TATDN1: variants seen among roughly 807,000 people sequenced by gnomAD.
TATDN1 encodes the protein TatD DNase domain containing 1, also known as deoxyribonuclease TATDN1.
A neutral mutation model predicts 46.4 loss-of-function variants in TATDN1; 40 were observed. The observed-to-expected ratio is 0.86, with a 90% CI of 0.67 to 1.12. The LOEUF is 1.12. Among genes scored for constraint, TATDN1 ranks in the 50% most tolerant of loss-of-function variants. TATDN1 has a pLI of 0.00. For synonymous variants in TATDN1, 95 were observed against 105.6 expected, an observed-to-expected ratio of 0.90 and a Z score of 0.62; for missense variants, 326 against 348.4, an observed-to-expected ratio of 0.94 and a Z score of 0.51.
At chr8:124,517,883 C>T (rs568782552) in intron 4 of TATDN1, among the ~76,000 whole-genome samples, 3 of 152,224 alleles carry the variant, frequency 2.0e-5, no homozygotes, top group African/African-American at 7.2e-5. Context: ...GTATCTTAAA[C>T]ACGTTAAAAC....
At chr8:124,492,368 T>C (rs919296854) in intron 11 of TATDN1, among the ~76,000 whole-genome samples, 2 of 152,200 alleles carry the variant, frequency 1.3e-5, no homozygotes, top group Admixed American at 6.5e-5. Context: ...TAATCTTACA[T>C]AAGATTAAGG....
rs778300095 is a variant in TATDN1, at chr8:124,523,018, G to C, written c.23-16C>G. On this transcript the variant is annotated splice_polypyrimidine_tract_variant and intron_variant, in intron 1 of 11. Coordinates refer to ENST00000276692, the MANE Select transcript of TATDN1 (RefSeq NM_032026.4). ...ATACCAATATCTGTAGAAAGCAAAA[G>C]TCACTGATTAATTATTGAGTCTCTA... is the stretch of plus-strand genomic sequence containing the variant. 1 of 1,606,990 alleles carries C rather than the reference G, an allele frequency of 6.2e-7. No homozygotes were observed. Among genetic ancestry groups the C allele is most frequent in the Non-Finnish European group, 8.5e-7 (1 of 1,174,996 alleles).
At chr8:124,488,494 T>C, downstream of TATDN1, 1 of 648,650 alleles carries the variant, frequency 1.5e-6, no homozygotes, top group Non-Finnish European at 2.7e-6. Context: ...ATATATAGTA[T>C]TTCTTTAGAC....
chr8:124,488,703 C>CAAAACA lies in TATDN1; in HGVS notation c.792-13_792-8dup, dbSNP rs1816624276. ...CATTATCTCCAATATTTGACTAAAA[C>CAAAACA]AAAACAAAAACAAAAATGGTTAAAT... On this transcript the variant is annotated splice_polypyrimidine_tract_variant and splice_region_variant and intron_variant, in intron 11 of 11. Transcript: ENST00000276692. The CAAAACA allele has an allele frequency of 3.2e-6, 5 of 1,553,376 alleles. No individual in the cohort carries two copies. In the South Asian group the frequency reaches 5.7e-5, roughly 18 times the overall value.
intron 9 of TATDN1, among the ~76,000 whole-genome samples, chr8:124,496,524 GAC>G (rs1817482856): frequency 6.6e-6 from 1 of 152,068 alleles, no homozygotes; most frequent in African/African-American, 2.4e-5. Flanking sequence ...CTTATCTTTT[GAC>G]AGTCTCCATA....
At chr8:124,533,028 A>G (rs1342059507) in intron 1 of TATDN1, among the ~76,000 whole-genome samples, 2 of 152,164 alleles carry the variant, frequency 1.3e-5, no homozygotes, top group Admixed American at 1.3e-4. Flanking sequence ...CGAGGTGGGC[A>G]GATGACGAGG....
intron 4 of TATDN1, among the ~76,000 whole-genome samples, chr8:124,518,211 CAAAAAAAAAAAAAA>C (rs374487274): frequency 0.23 from 8,324 of 35,578 alleles, 748 homozygotes; most frequent in South Asian, 0.56. Flanking sequence ...GACTCTATCT[CAAAAAAAAAAAAAA>C]AAAAAAAAAA....
chr8:124,534,474 T>C (rs1276970289), intron 1 of TATDN1, among the ~76,000 whole-genome samples: 1 of 152,152 alleles, frequency 6.6e-6, no homozygotes, highest in Non-Finnish European at 1.5e-5. Context: ...CACAATACTC[T>C]GAATTTTTTG....
chr8:124,498,490 T>A (rs1186948788), intron 9 of TATDN1, among the ~76,000 whole-genome samples: 1 of 146,246 alleles, frequency 6.8e-6, no homozygotes, highest in Admixed American at 7.2e-5. Flanking sequence ...GGGAGTGAGA[T>A]CTTTTCTCTA....
intron 6 of TATDN1, among the ~76,000 whole-genome samples, chr8:124,510,089 C>T (rs537759417): frequency 9.2e-5 from 14 of 151,492 alleles, no homozygotes; most frequent in Admixed American, 7.2e-4. Context: ...TAAAATAGGT[C>T]GTCTATGTCT....
At chr8:124,501,540 G>T (rs1305377133) in intron 9 of TATDN1, among the ~76,000 whole-genome samples, 1 of 152,080 alleles carries the variant, frequency 6.6e-6, no homozygotes, top group Non-Finnish European at 1.5e-5. Context: ...AAGACAAGCA[G>T]AAAGTAACTT....
chr8:124,513,912 G>C (rs1412213005), intron 6 of TATDN1, among the ~76,000 whole-genome samples: 1 of 152,156 alleles, frequency 6.6e-6, no homozygotes. Flanking sequence ...ATGTGAACAC[G>C]AGAACTTTTA....
intron 9 of TATDN1, among the ~76,000 whole-genome samples, chr8:124,500,762 A>C (rs552304591): frequency 2.6e-4 from 40 of 152,088 alleles, no homozygotes; most frequent in South Asian, 2.1e-3. Flanking sequence ...TTAAAAAAAA[A>C]AAAACAAAAC....
At position 124,515,764 on chromosome 8, in the gene TATDN1, G is replaced by A. The variant is rs753751485; in HGVS notation, c.371C>T (p.Pro124Leu). The A allele has an allele frequency of 6.8e-6, 11 of 1,613,462 alleles. No individual in the cohort carries two copies. The highest frequency in any genetic ancestry group is 9.3e-6 in the Non-Finnish European group (11 of 1,179,742). ...TCCTTACTTGAGTTGAGTATCTTTG[G>A]GACAAAACTGCAGTCGGTCAAAATC... The part of the protein sequence containing the change: ...GLDFDRLQFC[P>L]KDTQLKYFEK... The change falls in exon 6 of 12, where the codon CCC becomes CTC. Residue 124 changes from proline (P) to leucine (L), a missense_variant. Transcript: ENST00000276692.
chr8:124,520,624 A>G (rs964892597), intron 3 of TATDN1, among the ~76,000 whole-genome samples: 1 of 151,976 alleles, frequency 6.6e-6, no homozygotes, highest in Admixed American at 6.6e-5. Context: ...ACAAGAGGGC[A>G]TCATCTCCTC....
intron 3 of TATDN1, among the ~76,000 whole-genome samples, chr8:124,519,208 G>A (rs575732954): frequency 6.6e-6 from 1 of 152,280 alleles, no homozygotes; most frequent in African/African-American, 2.4e-5. Flanking sequence ...CGTGAATAAC[G>A]AAATCAATGA....
chr8:124,510,058 A>G (rs1818876641), intron 6 of TATDN1, among the ~76,000 whole-genome samples: 1 of 151,882 alleles, frequency 6.6e-6, no homozygotes, highest in Admixed American at 6.6e-5. Context: ...TTAAAAATTA[A>G]AAAAATAGAA....
chr8:124,526,387 TG>T (rs1304925136), intron 1 of TATDN1, among the ~76,000 whole-genome samples: 2 of 152,238 alleles, frequency 1.3e-5, no homozygotes, highest in Non-Finnish European at 2.9e-5. Flanking sequence ...CCTATTGGCA[TG>T]TAAACTCAAA....
At chr8:124,497,282 C>G (rs1327651505) in intron 9 of TATDN1, among the ~76,000 whole-genome samples, 1 of 94,910 alleles carries the variant, frequency 1.1e-5, no homozygotes, top group Non-Finnish European at 2.9e-5. Context: ...TTCCTTCTTT[C>G]TTCTTCTTTT....
Sources: gnomAD v4.1 joint callset for allele counts (sites outside exome capture counted in the v4.1 genomes callset) on GRCh38, gnomAD v4.1.1 for gene constraint, MANE v1.5 for transcripts, NCBI Gene and HGNC (gene_info 2026-07-23, HGNC 2026-07-21) for gene names.